CFDP1: variants seen among roughly 807,000 people sequenced by gnomAD.
The protein encoded by CFDP1 is chromatin remodeling protein CFDP1, also known as heterochromatin-stabilizing protein CFDP1.
CFDP1 carries 31 observed loss-of-function variants against 40.1 expected under a neutral mutation model. The observed-to-expected ratio is 0.77, with a 90% CI of 0.58 to 1.04. CFDP1 has a LOEUF of 1.04. CFDP1 is among the 50% of genes least tolerant of loss of function. CFDP1 has a pLI of 0.00. For missense variants in CFDP1, 423 were observed against 343.4 expected (o/e 1.23, Z -1.83); for synonymous variants, 167 against 120.0 (o/e 1.39, Z -2.56).
intron 1 of CFDP1, among the ~76,000 whole-genome samples, chr16:75,426,912 G>A (rs2079348411): frequency 6.6e-6 from 1 of 151,712 alleles, no homozygotes; most frequent in South Asian, 2.1e-4. Flanking sequence ...AAAATTAGCT[G>A]GGTGTGGTGG....
At position 75,352,560 on chromosome 16, in the gene CFDP1, CTCTA is replaced by C. The variant is rs781321306; in HGVS notation, c.650+42526_650+42529del. 1.1e-4 allele frequency among the ~76,000 whole-genome samples: 17 copies of C among 152,180 alleles called. No homozygotes were observed. In the East Asian group the frequency reaches 1.7e-3, roughly 16 times the overall value. On this transcript the variant is annotated intron_variant, in intron 5 of 6. Transcript: ENST00000283882. ...AAGTGTATCATAATCATAAGTGTAT[CTCTA>C]TCTTTTTAAAAAAATAATAATTTTA... is the stretch of plus-strand genomic sequence containing the variant.
intron 2 of CFDP1, among the ~76,000 whole-genome samples, chr16:75,413,159 T>A (rs1389764653): frequency 6.6e-6 from 1 of 152,216 alleles, no homozygotes; most frequent in Non-Finnish European, 1.5e-5. Context: ...GAACAAGTTC[T>A]ATTTAGAAGA....
intron 1 of CFDP1, among the ~76,000 whole-genome samples, chr16:75,426,318 C>G (rs181996700): frequency 2.0e-5 from 3 of 152,076 alleles, no homozygotes; most frequent in Admixed American, 6.6e-5. Context: ...ACATTGCACT[C>G]CAGCCTGGGC....
intron 1 of CFDP1, among the ~76,000 whole-genome samples, chr16:75,418,148 G>C (rs1189240472): frequency 6.6e-6 from 1 of 150,988 alleles, no homozygotes; most frequent in Non-Finnish European, 1.5e-5. Context: ...AGCTACTCAG[G>C]GAGCTGAGGC....
At chr16:75,306,458 C>T (rs1252444523) in intron 5 of CFDP1, 1 of 152,236 alleles carries the variant, frequency 6.6e-6, no homozygotes, top group Non-Finnish European at 1.5e-5. Context: ...TGAACAATGA[C>T]CCTGAACATT....
chr16:75,423,709 T>C (rs2079304957), intron 1 of CFDP1, among the ~76,000 whole-genome samples: 1 of 151,910 alleles, frequency 6.6e-6, no homozygotes, highest in Non-Finnish European at 1.5e-5. Flanking sequence ...TGAGACGGGG[T>C]TTCACCACGT....
chr16:75,323,296 CACT>C (rs2078378613), intron 5 of CFDP1, among the ~76,000 whole-genome samples: 1 of 151,650 alleles, frequency 6.6e-6, no homozygotes, highest in Non-Finnish European at 1.5e-5. Flanking sequence ...TCATCAATAT[CACT>C]GTCTTTGACT....
intron 5 of CFDP1, among the ~76,000 whole-genome samples, chr16:75,346,555 C>CCTG (rs917214405): frequency 1.6e-5 from 2 of 128,164 alleles, no homozygotes; most frequent in Non-Finnish European, 3.1e-5. Context: ...TGCACTCCAG[C>CCTG]CTGGGTGACA....
intron 5 of CFDP1, among the ~76,000 whole-genome samples, chr16:75,369,576 C>T (rs1327934050): frequency 2.6e-5 from 4 of 152,168 alleles, no homozygotes; most frequent in Non-Finnish European, 5.9e-5. Flanking sequence ...TATGTGTCCA[C>T]ACTTGTTTCT....
At chr16:75,406,035 A>C (rs1443854014) in intron 4 of CFDP1, among the ~76,000 whole-genome samples, 1 of 151,740 alleles carries the variant, frequency 6.6e-6, no homozygotes, top group Non-Finnish European at 1.5e-5. Flanking sequence ...TGAGGACAAG[A>C]GGTCAGGACC....
intron 5 of CFDP1, among the ~76,000 whole-genome samples, chr16:75,367,887 T>C (rs1032313792): frequency 6.6e-6 from 1 of 151,180 alleles, no homozygotes; most frequent in Non-Finnish European, 1.5e-5. Flanking sequence ...GGTGGATCAC[T>C]TGAGGTCAGG....
At chr16:75,324,702 C>G (rs1168557898) in intron 5 of CFDP1, 3 of 147,274 alleles carry the variant, frequency 2.0e-5, no homozygotes, top group African/African-American at 7.6e-5. Flanking sequence ...GAGATCACAC[C>G]ATTGCACTCC....
intron 4 of CFDP1, among the ~76,000 whole-genome samples, chr16:75,395,615 C>A (rs549592387): frequency 6.6e-6 from 1 of 151,988 alleles, no homozygotes; most frequent in African/African-American, 2.4e-5. Flanking sequence ...GCCGAGATCA[C>A]GCCATTGCAC....
chr16:75,311,770 ATTT>A (rs548463039), intron 5 of CFDP1, among the ~76,000 whole-genome samples: 5 of 141,792 alleles, frequency 3.5e-5, no homozygotes, highest in Admixed American at 1.4e-4. Flanking sequence ...GACCTTTACA[ATTT>A]TTTTTTTTTT....
intron 1 of CFDP1, among the ~76,000 whole-genome samples, chr16:75,427,269 G>A (rs1465391269): frequency 2.0e-5 from 3 of 149,564 alleles, no homozygotes; most frequent in East Asian, 2.0e-4. Context: ...TTTTTTTTTC[G>A]AGACAGTGTC....
chr16:75,367,478 G>A (rs1303993911), intron 5 of CFDP1, among the ~76,000 whole-genome samples: 2 of 150,630 alleles, frequency 1.3e-5, no homozygotes, highest in Non-Finnish European at 3.0e-5. Flanking sequence ...CAGGGTGGGA[G>A]AGATAAAATG....
chr16:75,395,239 CAAG>C lies in CFDP1; in HGVS notation c.531-33_531-31del, dbSNP rs748723995. ...GCCAAGGAAAAAGACATCAAGCTTA[CAAG>C]AAGAATAAAGAGAAAGAAACAAGCT... is the stretch of plus-strand genomic sequence containing the variant. On this transcript the variant is annotated intron_variant, in intron 4 of 6. Coordinates refer to ENST00000283882, the MANE Select transcript of CFDP1 (RefSeq NM_006324.3). The C allele has an allele frequency of 5.0e-6, 8 of 1,607,488 alleles. 1 individual carries two copies. The highest frequency in any genetic ancestry group is 1.1e-5 in the South Asian group (1 of 90,528).
chr16:75,308,470 A>G (rs2078272786), intron 5 of CFDP1, among the ~76,000 whole-genome samples: 1 of 152,120 alleles, frequency 6.6e-6, no homozygotes, highest in African/African-American at 2.4e-5. Context: ...TCCTCGTGTA[A>G]TCTTTATCTT....
In CFDP1 at chr16:75,414,631, C is replaced by G. The variant is rs201527167; in HGVS notation, c.129G>C (p.Glu43Asp). Reference sequence around the variant, plus strand: ...TTTTCCCTTGGGTTTTCTGTGTCTGCTCTTCACCATCCACTTCATCTTCCT... The same window carrying G: ...TTTTCCCTTGGGTTTTCTGTGTCTGGTCTTCACCATCCACTTCATCTTCCT... ...LVKEDEVDGE[E>D]QTQKTQGKKR... The change falls in exon 2 of 7, where the codon GAG (glutamate) becomes GAC (aspartate). Residue 43 changes from glutamate (E) to aspartate (D), a missense_variant. Coordinates refer to ENST00000283882, the MANE Select transcript of CFDP1 (RefSeq NM_006324.3). 153 of 1,613,874 alleles carry G rather than the reference C, an allele frequency of 9.5e-5. 2 individuals carry two copies. The East Asian group carries it at 3.4e-3, about 36-fold the overall frequency.
Sources: gnomAD v4.1 joint callset for allele counts (sites outside exome capture counted in the v4.1 genomes callset) on GRCh38, gnomAD v4.1.1 for gene constraint, MANE v1.5 for transcripts, NCBI Gene and HGNC (gene_info 2026-07-23, HGNC 2026-07-21) for gene names.